Variants in REXO5 observed in about 807,000 individuals in gnomAD.
The protein encoded by REXO5 is RNA exonuclease 5.
Under a neutral mutation model 88.5 loss-of-function variants are expected in REXO5, and 48 were observed. The observed-to-expected ratio is 0.54, with a 90% confidence interval of 0.43 to 0.69. REXO5 has a LOEUF of 0.69. REXO5 is among the 30% of genes least tolerant of loss of function. The pLI, the probability that REXO5 is intolerant of heterozygous loss-of-function variation, is 0.00. For synonymous variants in REXO5, 311 were observed against 336.5 expected, an observed-to-expected ratio of 0.92 and a Z score of 0.83; for missense variants, 749 against 912.2, an observed-to-expected ratio of 0.82 and a Z score of 2.30.
intron 10 of REXO5, 35 bp from the exon 11 acceptor site, chr16:20,828,400 G>A: frequency 7.7e-7 from 1 of 1,296,612 alleles, no homozygotes; most frequent in Non-Finnish European, 1.1e-6. Flanking sequence ...CATTAAAAGT[G>A]CTTCCAGTAT....
Position 20,814,927 on chromosome 16 carries a change from C to T in REXO5, c.252C>T (p.Ser84=). Residue 84 remains serine (S), a splice_region_variant and synonymous_variant, in exon 4 of 20, where the codon AGC becomes AGT. Transcript: ENST00000261377. ...CTGTGTTGGTTTGATTTCTTGGCAG[C>T]TGGTGCCAGCTTTTTCATCAAAACC... ...VLGKSNVPKP[S]WCQLFHQNHL... 6.2e-7 allele frequency: 1 copy of T among 1,611,298 alleles called. No homozygotes were observed. The highest frequency in any genetic ancestry group is 8.5e-7 in the Non-Finnish European group (1 of 1,178,908).
At position 20,840,700 on chromosome 16, in the gene REXO5, GCCTATACCTGTAAT is replaced by G. The variant is rs2081513567; in HGVS notation, c.1626+235_1626+248del. Among the ~76,000 whole-genome samples, 5 of 152,188 alleles carry G rather than the reference GCCTATACCTGTAAT, an allele frequency of 3.3e-5. No individual in the cohort carries two copies. The South Asian group carries it at 1.0e-3, about 31-fold the overall frequency. On this transcript the variant is annotated intron_variant, in intron 15 of 19. Transcript: ENST00000261377. The stretch of plus-strand genomic sequence containing the variant: ...TTGAGAAATCTGGCTGGGCGCAGTG[GCCTATACCTGTAAT>G]CCCAGCACTTTGGGAGTTTGAGGAG...
Position 20,844,038 on chromosome 16 carries a change from A to C in REXO5, c.1719+12A>C, listed in dbSNP as rs1190262543. The C allele has an allele frequency of 6.6e-7, 1 of 1,521,340 alleles. No homozygotes were observed. The highest frequency in any genetic ancestry group is 9.1e-7 in the Non-Finnish European group (1 of 1,095,330). The allele number at this position is 1,521,340 out of a possible 1,614,324, so 94.2% of individuals were successfully genotyped here. On this transcript the variant is annotated intron_variant, in intron 16 of 19. Coordinates refer to ENST00000261377, the MANE Select transcript of REXO5 (RefSeq NM_030941.3). ...GTATCTGCATCAAGGTAGGGTGACA[A>C]GAGAAAGCCCCCTTTGCTTGGGTCT...
chr16:20,844,850 GTC>G lies in REXO5; in HGVS notation c.1936+7_1936+8del. ...AGAAAAAATACTGTTTCCTGAGTAA[GTC>G]TATGCTACTGAATGTAGCTTTGGGG... On this transcript the variant is annotated splice_donor_region_variant and intron_variant, in intron 17 of 19. Transcript: ENST00000261377. 1 of 1,611,050 alleles carries G rather than the reference GTC, an allele frequency of 6.2e-7. No homozygotes were observed. Among genetic ancestry groups the G allele is most frequent in the Non-Finnish European group, 8.5e-7 (1 of 1,177,850 alleles).
intron 13 of REXO5, among the ~76,000 whole-genome samples, chr16:20,838,477 G>T (rs2081472859): frequency 6.6e-6 from 1 of 152,166 alleles, no homozygotes; most frequent in Admixed American, 6.5e-5. Flanking sequence ...CCCAGTTGTT[G>T]TCTTTACAGA....
intron 2 of REXO5, among the ~76,000 whole-genome samples, chr16:20,810,330 A>T (rs376623356): frequency 6.6e-6 from 1 of 152,212 alleles, no homozygotes; most frequent in Admixed American, 6.5e-5. Context: ...TATTTTACTT[A>T]TGTGAATTCA....
At chr16:20,810,910 C>G (rs1166381952) in intron 2 of REXO5, among the ~76,000 whole-genome samples, 8 of 152,176 alleles carry the variant, frequency 5.3e-5, no homozygotes, top group Non-Finnish European at 1.2e-4. Context: ...CTGCCACCAT[C>G]CCTCTCAGGT....
intron 11 of REXO5, among the ~76,000 whole-genome samples, chr16:20,829,718 T>C (rs1273574437): frequency 6.6e-6 from 1 of 152,218 alleles, no homozygotes; most frequent in East Asian, 1.9e-4. Context: ...GTGAGTTAGC[T>C]ATTATCATTC....
intron 3 of REXO5, among the ~76,000 whole-genome samples, chr16:20,813,542 C>T (rs2152500457): frequency 6.6e-6 from 1 of 152,216 alleles, no homozygotes; most frequent in Middle Eastern, 3.4e-3. Flanking sequence ...GCAGCTATCC[C>T]TATATTCCCA....
intron 18 of REXO5, among the ~76,000 whole-genome samples, chr16:20,845,570 A>G (rs1462378868): frequency 6.6e-6 from 1 of 151,968 alleles, no homozygotes; most frequent in Non-Finnish European, 1.5e-5. Context: ...GTTGTCATAG[A>G]TGGTCTTTTC....
chr16:20,810,925 A>AC lies in REXO5; in HGVS notation c.139-2262dup, dbSNP rs776970225. Among the ~76,000 whole-genome samples the AC allele has an allele frequency of 2.5e-4, 38 of 151,928 alleles. 1 individual carries two copies. Among genetic ancestry groups the AC allele is most frequent in the Admixed American group, 2.6e-4 (4 of 15,248 alleles). On this transcript the variant is annotated intron_variant, in intron 2 of 19. Transcript: ENST00000261377. ...CTGCCACCATCCCTCTCAGGTTTAT[A>AC]CCCTCATCCTGTTCAGGCTTTAAAC...
chr16:20,806,665 C>T lies in REXO5; in HGVS notation c.-43C>T. On this transcript the variant is annotated 5_prime_UTR_variant, in exon 1 of 20. Transcript: ENST00000261377. ...GGCAGCACCTTCCTTCTTTGCCAGG[C>T]AGACGCCCGTTGTAGCCGTTGGGGA... 1 of 1,116,582 alleles carries T rather than the reference C, an allele frequency of 9.0e-7. No homozygotes were observed. Among genetic ancestry groups the T allele is most frequent in the Non-Finnish European group, 1.2e-6 (1 of 811,748 alleles). 69.2% of individuals were successfully genotyped at this position (1,116,582 alleles called of 1,614,324 possible).
chr16:20,828,885 A>G (rs1016181940), intron 11 of REXO5, among the ~76,000 whole-genome samples: 1 of 151,714 alleles, frequency 6.6e-6, no homozygotes, highest in Non-Finnish European at 1.5e-5. Context: ...CAGAGGTTGC[A>G]GTGAGCCGAG....
intron 10 of REXO5, among the ~76,000 whole-genome samples, chr16:20,827,670 G>A (rs1290513772): frequency 1.3e-5 from 2 of 152,176 alleles, no homozygotes; most frequent in Non-Finnish European, 2.9e-5. Flanking sequence ...GAAGGCAGAA[G>A]AGGTAACCAA....
rs377257110 is a variant in REXO5 at position 20,839,871 on chromosome 16, G to C, written c.1488+12G>C. ...AGATGAACAAAAGGGTAAGTGAATG[G>C]GTTCTGCTGAATGATTTATTTAGTG... On this transcript the variant is annotated intron_variant, in intron 14 of 19. Coordinates refer to ENST00000261377, the MANE Select transcript of REXO5 (RefSeq NM_030941.3). The C allele has an allele frequency of 3.6e-5, 54 of 1,507,984 alleles. No individual in the cohort carries two copies. The African/African-American group carries it at 6.7e-4, about 19-fold the overall frequency. 93.4% of individuals were successfully genotyped at this position (1,507,984 alleles called of 1,614,324 possible). A position where few individuals can be genotyped will look rare whatever the true frequency, so the allele number is the denominator to read the frequency against.
At chr16:20,832,067 T>G in intron 11 of REXO5, 89 bp from the exon 12 acceptor site, 1 of 915,498 alleles carries the variant, frequency 1.1e-6, no homozygotes, top group Non-Finnish European at 1.7e-6. Context: ...ATTTTTTGCT[T>G]TTTGTTGTTG....
intron 1 of REXO5, 62 bp downstream of exon 1, chr16:20,806,767 A>G (rs1453040944): frequency 1.5e-5 from 16 of 1,067,186 alleles, no homozygotes; most frequent in Non-Finnish European, 1.7e-5. Context: ...AGTCCGCGGA[A>G]CGGGGAGATC....
chr16:20,837,859 G>A (rs895266271), intron 13 of REXO5, among the ~76,000 whole-genome samples: 51 of 152,006 alleles, frequency 3.4e-4, no homozygotes, highest in Non-Finnish European at 1.8e-4. Flanking sequence ...CTTGACCTCC[G>A]GGCTCAAGCG....
At chr16:20,807,406 C>T (rs1410395142) in intron 2 of REXO5, 11 of 300,898 alleles carry the variant, frequency 3.7e-5, no homozygotes, top group South Asian at 1.5e-4. Context: ...GAGAAATCCC[C>T]GTCTCTACCA....
Sources: allele counts gnomAD v4.1 joint callset (sites outside exome capture counted in the v4.1 genomes callset), GRCh38; gene constraint gnomAD v4.1.1; transcripts MANE v1.5; gene names NCBI Gene and HGNC (gene_info 2026-07-23, HGNC 2026-07-21).